The following ARSB variants were observed in gnomAD, a reference collection of about 807,000 sequenced individuals.
ARSB encodes N-acetylgalactosamine-4-sulfatase.
Under a neutral mutation model 50.9 loss-of-function variants are expected in ARSB, and 41 were observed. The observed-to-expected ratio is 0.81, with a 90% CI of 0.63 to 1.04. ARSB has a LOEUF of 1.04. Among genes scored for constraint, ARSB ranks in the 50% least tolerant of loss-of-function variants. The pLI, the probability that ARSB is intolerant of heterozygous loss-of-function variation, is 0.00. For missense variants in ARSB, 672 were observed against 693.3 expected (o/e 0.97, Z 0.35); for synonymous variants, 269 against 284.8 (o/e 0.94, Z 0.56).
intron 6 of ARSB, among the ~76,000 whole-genome samples, chr5:78,791,045 A>C (rs2064256820): frequency 6.6e-6 from 1 of 152,154 alleles, no homozygotes; most frequent in African/African-American, 2.4e-5. Context: ...ATCATTTCAC[A>C]ATTTATGAAG....
At chr5:78,957,394 AC>A (rs1751776857) in intron 3 of ARSB, among the ~76,000 whole-genome samples, 3 of 151,886 alleles carry the variant, frequency 2.0e-5, no homozygotes, top group East Asian at 1.9e-4. Context: ...GCTCAAATAG[AC>A]CCCCCAAAAG....
chr5:78,896,853 T>C (rs950493513), intron 4 of ARSB, among the ~76,000 whole-genome samples: 2 of 152,172 alleles, frequency 1.3e-5, no homozygotes, highest in South Asian at 2.1e-4. Context: ...TTATATACAA[T>C]ACTGTAACTA....
chr5:78,873,705 C>T (rs1401081005), intron 5 of ARSB, among the ~76,000 whole-genome samples: 2 of 151,204 alleles, frequency 1.3e-5, no homozygotes, highest in Admixed American at 6.6e-5. Context: ...CCGTTTTAGC[C>T]GGGATGGTCT....
chr5:78,984,835 C>A (rs1753081778), intron 1 of ARSB, 102 bp downstream of exon 1: 2 of 989,042 alleles, frequency 2.0e-6, no homozygotes, highest in Non-Finnish European at 2.6e-6. Flanking sequence ...GCGGTCCGAG[C>A]CCCGCCTGCC....
intron 5 of ARSB, among the ~76,000 whole-genome samples, chr5:78,857,454 T>A (rs570275553): frequency 6.6e-6 from 1 of 152,228 alleles, no homozygotes; most frequent in Non-Finnish European, 1.5e-5. Flanking sequence ...TTGATTTTAT[T>A]TGTGAAATAA....
intron 6 of ARSB, among the ~76,000 whole-genome samples, chr5:78,784,861 C>T (rs560958041): frequency 1.8e-3 from 256 of 145,110 alleles, no homozygotes; most frequent in African/African-American, 6.1e-3. Flanking sequence ...TGCAGTGGTG[C>T]GATCTTGGCT....
chr5:78,846,710 C>T (rs1176025646), intron 5 of ARSB, among the ~76,000 whole-genome samples: 1 of 152,154 alleles, frequency 6.6e-6, no homozygotes, highest in Non-Finnish European at 1.5e-5. Context: ...GACAATTTGA[C>T]ATCCTCCTTT....
chr5:78,943,311 G>A (rs748863932), intron 4 of ARSB, among the ~76,000 whole-genome samples: 1 of 152,194 alleles, frequency 6.6e-6, no homozygotes, highest in African/African-American at 2.4e-5. Flanking sequence ...GTGTGAATTT[G>A]ATCCTGTCAT....
chr5:78,815,186 C>T (rs928708695), intron 6 of ARSB, among the ~76,000 whole-genome samples: 2 of 150,708 alleles, frequency 1.3e-5, no homozygotes, highest in Non-Finnish European at 1.5e-5. Context: ...ATTTTCTAGT[C>T]GCATGGTTGC....
intron 4 of ARSB, among the ~76,000 whole-genome samples, chr5:78,895,957 G>A (rs1184024378): frequency 2.6e-5 from 4 of 152,168 alleles, no homozygotes; most frequent in Admixed American, 6.5e-5. Context: ...AATAATGGAC[G>A]GAGGGATACA....
At chr5:78,829,806 A>C (rs970196978) in intron 6 of ARSB, among the ~76,000 whole-genome samples, 12 of 152,240 alleles carry the variant, frequency 7.9e-5, no homozygotes, top group Admixed American at 2.0e-4. Context: ...ATTTCATTGG[A>C]TATGTTCCCT....
At chr5:78,942,123 G>A (rs1248163821) in intron 4 of ARSB, among the ~76,000 whole-genome samples, 1 of 152,108 alleles carries the variant, frequency 6.6e-6, no homozygotes, top group Non-Finnish European at 1.5e-5. Context: ...GGGATCAGTG[G>A]TGATATCCCC....
chr5:78,855,533 T>C (rs562580232), intron 5 of ARSB, among the ~76,000 whole-genome samples: 8 of 152,218 alleles, frequency 5.3e-5, no homozygotes, highest in Non-Finnish European at 1.2e-4. Flanking sequence ...GCCTCAGGGA[T>C]AAAAGAGAGC....
At chr5:78,798,386 TAAAA>T (rs34346174) in intron 6 of ARSB, among the ~76,000 whole-genome samples, 5 of 120,690 alleles carry the variant, frequency 4.1e-5, no homozygotes, top group Non-Finnish European at 7.2e-5. Context: ...GCATTGTGTG[TAAAA>T]AAAAAAAAAA....
chr5:78,976,108 A>G (rs1461647212), intron 1 of ARSB, among the ~76,000 whole-genome samples: 1 of 152,100 alleles, frequency 6.6e-6, no homozygotes. Context: ...TCTCATATGC[A>G]TAACATGCCT....
intron 4 of ARSB, among the ~76,000 whole-genome samples, chr5:78,889,667 A>G (rs1437208660): frequency 6.6e-6 from 1 of 152,228 alleles, no homozygotes; most frequent in African/African-American, 2.4e-5. Context: ...AAAGTCATGG[A>G]AAAATATTGG....
intron 1 of ARSB, among the ~76,000 whole-genome samples, chr5:78,973,041 C>A (rs1368719797): frequency 6.6e-6 from 1 of 152,194 alleles, no homozygotes; most frequent in African/African-American, 2.4e-5. Flanking sequence ...TGTAGAGAAG[C>A]AGTAAACAGG....
chr5:78,968,976 T>C (rs1752327703), intron 2 of ARSB, 30 bp downstream of exon 2: 5 of 1,612,070 alleles, frequency 3.1e-6, no homozygotes, highest in South Asian at 1.1e-5. Flanking sequence ...TTAGTCTAAG[T>C]TGTTAAAGAA....
intron 5 of ARSB, among the ~76,000 whole-genome samples, chr5:78,865,174 G>A (rs377676137): frequency 5.3e-5 from 8 of 152,146 alleles, no homozygotes; most frequent in Non-Finnish European, 8.8e-5. Context: ...GAGGTTCTCC[G>A]TGAGTATCCC....
Sources: gnomAD v4.1 joint callset for allele counts (sites outside exome capture counted in the v4.1 genomes callset) on GRCh38, gnomAD v4.1.1 for gene constraint, MANE v1.5 for transcripts, NCBI Gene and HGNC (gene_info 2026-07-23, HGNC 2026-07-21) for gene names.